GYPE: variants seen among roughly 807,000 people sequenced by gnomAD.
GYPE encodes glycophorin E (MNS blood group).
Under a neutral mutation model 11.6 loss-of-function variants are expected in GYPE, and 8 were observed. The ratio of observed to expected loss-of-function variants is 0.69; its 90% CI spans 0.41 to 1.25. GYPE has a LOEUF of 1.25. Ranked by LOEUF, GYPE falls within the 50% of genes most tolerant of loss-of-function variation. The pLI, the probability that GYPE is intolerant of heterozygous loss-of-function variation, is 0.01. For synonymous variants in GYPE, 28 were observed against 29.6 expected, an observed-to-expected ratio of 0.94 and a Z score of 0.18; for missense variants, 90 against 92.8, an observed-to-expected ratio of 0.97 and a Z score of 0.12.
chr4:143,900,954 T>G lies in GYPE; in HGVS notation c.37+4517A>C, dbSNP rs1008963616. On this transcript the variant is annotated intron_variant, in intron 1 of 3. Coordinates refer to ENST00000358615, the MANE Select transcript of GYPE (RefSeq NM_198682.3). ...CATTAAATGCTACCGATTGTACACT[T>G]TAAAATGGTTCAAATGGTAAACTTA... Among the ~76,000 whole-genome samples the G allele has an allele frequency of 3.9e-5, 6 of 152,180 alleles. No individual in the cohort carries two copies. The South Asian group carries it at 1.2e-3, about 31-fold the overall frequency.
In GYPE at chr4:143,904,753, C is replaced by T. The variant is rs551954126; in HGVS notation, c.37+718G>A. 5.3e-5 allele frequency among the ~76,000 whole-genome samples: 8 copies of T among 152,230 alleles called. No individual in the cohort carries two copies. The East Asian group carries it at 1.5e-3, about 29-fold the overall frequency. On this transcript the variant is annotated intron_variant, in intron 1 of 3. Transcript: ENST00000358615. Reference sequence around the variant, plus strand: ...TAGTATTGCTAACACATAAGCACTGCACTTGAGAGGATGTTTAACTATAAT... The same window carrying T: ...TAGTATTGCTAACACATAAGCACTGTACTTGAGAGGATGTTTAACTATAAT...
intron 3 of GYPE, 67 bp downstream of exon 3, chr4:143,876,679 G>C: frequency 1.3e-6 from 1 of 785,676 alleles, no homozygotes; most frequent in Non-Finnish European, 2.2e-6. Flanking sequence ...ACTGAACTCA[G>C]AGGAATAAAC....
At chr4:143,873,785 G>T (rs1351561780) in intron 3 of GYPE, among the ~76,000 whole-genome samples, 2 of 151,938 alleles carry the variant, frequency 1.3e-5, no homozygotes, top group African/African-American at 4.8e-5. Context: ...TAACTAAGGG[G>T]CAGATAAGTT....
In GYPE at chr4:143,880,325, C is replaced by A; in HGVS notation, c.136+86G>T. On this transcript the variant is annotated intron_variant, in intron 2 of 3. Transcript: ENST00000358615. ...CGCATTTCTCAGTGTTTGTCAGTTT[C>A]TCTGCAGTGACAGGTCCCCTAAAAT... 7 of 1,603,298 alleles carry A rather than the reference C, an allele frequency of 4.4e-6. No homozygotes were observed. The South Asian group carries it at 7.8e-5, about 18-fold the overall frequency.
chr4:143,903,524 C>CAAAAAAAAAAAAAAAAAAAA (rs11400558), intron 1 of GYPE, among the ~76,000 whole-genome samples: 11 of 98,846 alleles, frequency 1.1e-4, no homozygotes, highest in Admixed American at 1.3e-4. Context: ...TTTTTCATAG[C>CAAAAAAAAAAAAAAAAAAAA]AAAAAAAAAA....
chr4:143,881,611 C>T (rs990201312), intron 1 of GYPE, among the ~76,000 whole-genome samples: 3 of 152,112 alleles, frequency 2.0e-5, no homozygotes, highest in Non-Finnish European at 4.4e-5. Context: ...CCACAGATAT[C>T]CCTATGCTGT....
chr4:143,894,226 A>T (rs1254288464), intron 1 of GYPE, among the ~76,000 whole-genome samples: 13 of 151,258 alleles, frequency 8.6e-5, no homozygotes, highest in Admixed American at 2.6e-4. Context: ...CTTTTTTCAA[A>T]GTTTTCAACT....
rs200441556 is a variant in GYPE at position 143,896,178 on chromosome 4, G to A, written c.37+9293C>T. ...AAATGGGATCTAATTAAACTAAAGA[G>A]CTTCTGCACAGCAAAAGAAACTACC... On this transcript the variant is annotated intron_variant, in intron 1 of 3. Coordinates refer to ENST00000358615, the MANE Select transcript of GYPE (RefSeq NM_198682.3). Among the ~76,000 whole-genome samples, 2,282 of 152,162 alleles carry A rather than the reference G, an allele frequency of 0.015. 112 individuals are homozygous for A. In the East Asian group the frequency reaches 0.18, roughly 12 times the overall value.
At chr4:143,873,180 A>C (rs1743676078) in intron 3 of GYPE, among the ~76,000 whole-genome samples, 1 of 152,170 alleles carries the variant, frequency 6.6e-6, no homozygotes, top group Non-Finnish European at 1.5e-5. Context: ...TTCTTTTTAA[A>C]ATTTCAAAAT....
chr4:143,905,374 C>T, intron 1 of GYPE, 97 bp downstream of exon 1: 3 of 1,559,620 alleles, frequency 1.9e-6, no homozygotes, highest in East Asian at 4.6e-5. Context: ...CTCATTTATG[C>T]ATTTAAATAA....
Position 143,876,832 on chromosome 4 carries a change from C to T in GYPE, c.160G>A (p.Ala54Thr), listed in dbSNP as rs754199605. 1 of 1,609,582 alleles carries T rather than the reference C, an allele frequency of 6.2e-7. No individual in the cohort carries two copies. The highest frequency in any genetic ancestry group is 1.1e-5 in the South Asian group (1 of 90,732). ...TNGITLINWW[A>T]MARVIFEVML... ...ACCTCAAAAATAACACGAGCCATCG[C>T]CCACCAATTAATGAGTGTTATCCCT... The change falls in exon 3 of 4, where the codon GCG (alanine) becomes ACG (threonine). Residue 54 changes from alanine (A) to threonine (T), a missense_variant. By Grantham distance (58) the Ala-to-Thr change is moderately conservative. Coordinates refer to ENST00000358615, the MANE Select transcript of GYPE (RefSeq NM_198682.3).
intron 3 of GYPE, among the ~76,000 whole-genome samples, chr4:143,873,058 A>G (rs1466281574): frequency 6.6e-6 from 1 of 152,172 alleles, no homozygotes; most frequent in African/African-American, 2.4e-5. Flanking sequence ...GAGGGAATAT[A>G]AAAAACAAGA....
At chr4:143,880,592 C>T in intron 1 of GYPE, 83 bp from the exon 2 acceptor site, 2 of 1,603,902 alleles carry the variant, frequency 1.2e-6, no homozygotes, top group Non-Finnish European at 1.7e-6. Context: ...GACAAATTCC[C>T]TCACATCCCT....
At chr4:143,896,489 A>G (rs921009958) in intron 1 of GYPE, among the ~76,000 whole-genome samples, 2 of 152,230 alleles carry the variant, frequency 1.3e-5, no homozygotes, top group Non-Finnish European at 2.9e-5. Context: ...AATGGCAATC[A>G]TTAAAAGTCA....
intron 1 of GYPE, among the ~76,000 whole-genome samples, chr4:143,891,392 G>T (rs541724238): frequency 7.0e-6 from 1 of 143,840 alleles, no homozygotes; most frequent in Non-Finnish European, 1.5e-5. Flanking sequence ...GCAGTGGCCT[G>T]ATCTCGGCTG....
intron 2 of GYPE, among the ~76,000 whole-genome samples, chr4:143,879,666 A>G (rs1166869752): frequency 6.6e-6 from 1 of 152,320 alleles, no homozygotes. Flanking sequence ...AACTTCATTA[A>G]CACTATGAGC....
chr4:143,875,605 A>G, intron 3 of GYPE: 1 of 1,534,714 alleles, frequency 6.5e-7, no homozygotes, highest in Non-Finnish European at 8.8e-7. Context: ...CCAATCCTTC[A>G]TAGGGTGTAG....
intron 1 of GYPE, among the ~76,000 whole-genome samples, chr4:143,889,744 G>A (rs569803972): frequency 4.2e-4 from 64 of 152,214 alleles, no homozygotes; most frequent in African/African-American, 1.5e-3. Flanking sequence ...AATATTTGTA[G>A]TTAACACTTA....
At chr4:143,895,573 C>T (rs996144846) in intron 1 of GYPE, among the ~76,000 whole-genome samples, 13 of 149,614 alleles carry the variant, frequency 8.7e-5, no homozygotes, top group African/African-American at 3.2e-4. Flanking sequence ...TGAAAATGGC[C>T]ATACTGCCCA....
Sources: gnomAD v4.1 joint callset for allele counts (sites outside exome capture counted in the v4.1 genomes callset) on GRCh38, gnomAD v4.1.1 for gene constraint, MANE v1.5 for transcripts, NCBI Gene and HGNC (gene_info 2026-07-23, HGNC 2026-07-21) for gene names.